The following SMTNL2 variants were observed in gnomAD, a reference collection of about 807,000 sequenced individuals.
The protein encoded by SMTNL2 is smoothelin like 2.
SMTNL2 carries 43 observed loss-of-function variants against 44.1 expected under a neutral mutation model. That is an observed-to-expected ratio of 0.98 (90% CI 0.76 to 1.26). SMTNL2 has a LOEUF of 1.26. Ranked by LOEUF, SMTNL2 falls within the 50% of genes most tolerant of loss-of-function variation. The pLI is 0.00. For missense variants in SMTNL2, 646 were observed against 670.2 expected (o/e 0.96, Z 0.40); for synonymous variants, 317 against 287.6 (o/e 1.10, Z -1.03).
intron 7 of SMTNL2, among the ~76,000 whole-genome samples, chr17:4,597,609 C>G (rs1909872303): frequency 6.6e-6 from 1 of 152,180 alleles, no homozygotes; most frequent in African/African-American, 2.4e-5. Flanking sequence ...TCTGGGAGAC[C>G]AGCCACAGAC....
chr17:4,584,925 G>A lies in SMTNL2; in HGVS notation c.320G>A (p.Gly107Glu), dbSNP rs781092620. 7.7e-6 allele frequency: 10 copies of A among 1,304,530 alleles called. No homozygotes were observed. The African/African-American group carries it at 1.2e-4, about 16-fold the overall frequency. 80.8% of individuals were successfully genotyped at this position (1,304,530 alleles called of 1,614,324 possible). ...ACGCCCAGCCCCCCGCCCGCGCCCG[G>A]GGTTCCCGACCGCGCGCCCCGCCTG... ...PGTPSPPPAP[G>E]VPDRAPRLGS... The change falls in exon 1 of 8, where the codon GGG (glycine) becomes GAG (glutamate). Residue 107 changes from glycine to glutamate, a missense_variant. Physicochemically the swap from Gly to Glu is moderately conservative, Grantham distance 98. Coordinates refer to ENST00000389313, the MANE Select transcript of SMTNL2 (RefSeq NM_001114974.2).
intron 1 of SMTNL2, among the ~76,000 whole-genome samples, chr17:4,590,455 A>G (rs1248838910): frequency 2.0e-5 from 3 of 151,964 alleles, no homozygotes; most frequent in African/African-American, 4.8e-5. Context: ...AGCCCAGTGC[A>G]TGCCCCTGAC....
chr17:4,597,380 T>A (rs1389820349), intron 7 of SMTNL2, 57 bp downstream of exon 7: 1 of 1,590,996 alleles, frequency 6.3e-7, no homozygotes, highest in African/African-American at 1.3e-5. Flanking sequence ...GAGCCCAACT[T>A]CTTCCCCAGG....
chr17:4,585,043 G>A (rs1263562841), intron 1 of SMTNL2, 39 bp downstream of exon 1: 26 of 1,298,788 alleles, frequency 2.0e-5, no homozygotes, highest in Non-Finnish European at 2.4e-5. Flanking sequence ...GCCAGGGAGT[G>A]GGGCTCCGAA....
intron 7 of SMTNL2, among the ~76,000 whole-genome samples, chr17:4,602,074 A>C (rs1597417435): frequency 6.6e-6 from 1 of 152,068 alleles, no homozygotes; most frequent in East Asian, 1.9e-4. Context: ...AGTGTTTTGG[A>C]TTTTAGATTT....
At position 4,584,567 on chromosome 17, in the gene SMTNL2, C is replaced by T. The variant is rs925107331; in HGVS notation, c.-39C>T. The T allele has an allele frequency of 3.3e-6, 4 of 1,218,328 alleles. No homozygotes were observed. In the African/African-American group the frequency reaches 6.3e-5, roughly 19 times the overall value. 75.5% of individuals were successfully genotyped at this position (1,218,328 alleles called of 1,614,324 possible). On this transcript the variant is annotated 5_prime_UTR_variant, in exon 1 of 8. Coordinates refer to ENST00000389313, the MANE Select transcript of SMTNL2 (RefSeq NM_001114974.2). ...AGCTGCGGAGCTCGGATCTTCTCCC[C>T]CGTCTGGCCCGCTCTCGACCCGCGC...
In SMTNL2 at chr17:4,607,362, A is replaced by G; in HGVS notation, c.1261A>G (p.Asn421Asp). ...NFELAFTMAENLANCERLIEV... is the reference protein window; with the variant it reads ...NFELAFTMAEDLANCERLIEV... Reference sequence around the variant, plus strand: ...TCTGACGGGGCTTGTGTGTTTCAGGAATCTGGCCAACTGTGAGCGCCTCAT... The same window carrying G: ...TCTGACGGGGCTTGTGTGTTTCAGGGATCTGGCCAACTGTGAGCGCCTCAT... Residue 421 changes from asparagine to aspartate, a missense_variant and splice_region_variant, in exon 8 of 8, where the codon AAT (asparagine) becomes GAT (aspartate). By Grantham distance (23) the Asn-to-Asp change is conservative. Transcript: ENST00000389313. The surrounding 1 kb of genome is among the most constrained non-coding windows in gnomAD (Gnocchi z 4.7). The G allele has an allele frequency of 6.2e-7, 1 of 1,614,014 alleles. No individual in the cohort carries two copies. Among genetic ancestry groups the G allele is most frequent in the Non-Finnish European group, 8.5e-7 (1 of 1,179,978 alleles).
chr17:4,597,352 A>G, intron 7 of SMTNL2, 29 bp downstream of exon 7: 1 of 1,608,654 alleles, frequency 6.2e-7, no homozygotes, highest in Admixed American at 1.7e-5. Context: ...GCTGGCTACC[A>G]GCCCCAGCCC....
intron 4 of SMTNL2, 65 bp downstream of exon 4, chr17:4,593,962 A>C (rs1418907719): frequency 6.3e-7 from 1 of 1,578,608 alleles, no homozygotes; most frequent in Non-Finnish European, 8.7e-7. Flanking sequence ...CTTTGGACGC[A>C]GGCCGCCCAG....
Position 4,597,294 on chromosome 17 carries a change from GA to G in SMTNL2, c.1232del (p.Asn411ThrfsTer24). The G allele has an allele frequency of 6.2e-7, 1 of 1,614,106 alleles. No individual in the cohort carries two copies. Among genetic ancestry groups the G allele is most frequent in the Non-Finnish European group, 8.5e-7 (1 of 1,179,964 alleles). ...CCCTGAGCCCCACGCAGAGGCAGAA[GA>G]ACTTCGAGCTGGCTTTCACCATGGC... ...NSLSPTQRQK[N>X]FELAFTMAEN... On this transcript the variant is annotated frameshift_variant, in exon 7 of 8. Coordinates refer to ENST00000389313, the MANE Select transcript of SMTNL2 (RefSeq NM_001114974.2). LOFTEE classifies it high-confidence loss of function.
rs1220218643 is a variant in SMTNL2, at chr17:4,607,208, G to A, written c.1260-153G>A. ...TGGAGTCAGTGACTCCAAGGGTTCT[G>A]CCAGGGTTATCTGAATTCCCCGCTG... On this transcript the variant is annotated intron_variant, in intron 7 of 7. Coordinates refer to ENST00000389313, the MANE Select transcript of SMTNL2 (RefSeq NM_001114974.2). The surrounding 1 kb of genome is among the most constrained non-coding windows in gnomAD (Gnocchi z 4.7). 1.3e-5 allele frequency among the ~76,000 whole-genome samples: 2 copies of A among 152,180 alleles called. No homozygotes were observed. The highest frequency in any genetic ancestry group is 2.9e-5 in the Non-Finnish European group (2 of 68,026).
chr17:4,603,946 G>A (rs1381125222), intron 7 of SMTNL2, among the ~76,000 whole-genome samples: 3 of 152,132 alleles, frequency 2.0e-5, no homozygotes, highest in South Asian at 2.1e-4. Flanking sequence ...CCGAGTTCAA[G>A]TGATTCTCCT....
chr17:4,595,320 GC>G lies in SMTNL2; in HGVS notation c.984del (p.Gly329AlafsTer11). 6.2e-7 allele frequency: 1 copy of G among 1,612,208 alleles called. No individual in the cohort carries two copies. The highest frequency in any genetic ancestry group is 8.5e-7 in the Non-Finnish European group (1 of 1,179,244). On this transcript the variant is annotated frameshift_variant, in exon 5 of 8. Transcript: ENST00000389313. LOFTEE classifies it high-confidence loss of function. The surrounding 1 kb of genome is among the most constrained non-coding windows in gnomAD (Gnocchi z 5.1). The part of the protein sequence containing the change: ...LFEKWEQETA[A>X]GKGKGEARAR... ...TGAGAAGTGGGAGCAGGAAACGGCG[GC>G]CGGCAAGTACGGATGCCCACTCACA...
At chr17:4,605,153 GTTTTTTTTTT>G (rs753950451) in intron 7 of SMTNL2, among the ~76,000 whole-genome samples, 5 of 82,252 alleles carry the variant, frequency 6.1e-5, no homozygotes, top group African/African-American at 2.7e-4. Flanking sequence ...TTTTTGTTTG[GTTTTTTTTTT>G]TTTTTTTTTT....
intron 1 of SMTNL2, among the ~76,000 whole-genome samples, chr17:4,589,537 C>T (rs1473423960): frequency 6.6e-6 from 1 of 152,112 alleles, no homozygotes; most frequent in East Asian, 1.9e-4. Flanking sequence ...GTGGGCCTGG[C>T]CTCTCCTCCT....
rs1291906214 is a variant in SMTNL2 at position 4,607,076 on chromosome 17, C to T, written c.1260-285C>T. On this transcript the variant is annotated intron_variant, in intron 7 of 7. Coordinates refer to ENST00000389313, the MANE Select transcript of SMTNL2 (RefSeq NM_001114974.2). This position sits in a 1 kb window ranked among gnomAD's most constrained non-coding sequence, Gnocchi z 4.7. ...CTCATGCCTGGGCAACAGAGCAAGCCCCTGTCTCTAAAAAAAAAACCCAAA... is the reference window on the plus strand; with the variant it reads ...CTCATGCCTGGGCAACAGAGCAAGCTCCTGTCTCTAAAAAAAAAACCCAAA... Among the ~76,000 whole-genome samples, 1 of 151,930 alleles carries T rather than the reference C, an allele frequency of 6.6e-6. No homozygotes were observed. Among genetic ancestry groups the T allele is most frequent in the Admixed American group, 6.6e-5 (1 of 15,248 alleles).
rs1238975404 is a variant in SMTNL2 at position 4,592,219 on chromosome 17, G to A, written c.400-142G>A. 8 of 776,406 alleles carry A rather than the reference G, an allele frequency of 1.0e-5. No individual in the cohort carries two copies. Among genetic ancestry groups the A allele is most frequent in the Admixed American group, 2.2e-5 (1 of 44,696 alleles). 48.1% of individuals were successfully genotyped at this position (776,406 alleles called of 1,614,324 possible). On this transcript the variant is annotated intron_variant, in intron 1 of 7. Coordinates refer to ENST00000389313, the MANE Select transcript of SMTNL2 (RefSeq NM_001114974.2). The surrounding 1 kb of genome is among the most constrained non-coding windows in gnomAD (Gnocchi z 4.5). ...CAGCTTTTGCTGTGTGACTTGGCCC[G>A]TCACTTTCTTCCTGGGGGCTGTTTT...
intron 7 of SMTNL2, among the ~76,000 whole-genome samples, chr17:4,601,144 C>A (rs1215134200): frequency 6.6e-6 from 1 of 152,226 alleles, no homozygotes; most frequent in Admixed American, 6.5e-5. Flanking sequence ...CACAGTGGCT[C>A]ATGCCTGCGA....
At position 4,607,435 on chromosome 17, in the gene SMTNL2, G is replaced by A. The variant is rs780405061; in HGVS notation, c.1334G>A (p.Cys445Tyr). 9.7e-5 allele frequency: 157 copies of A among 1,614,110 alleles called. No homozygotes were observed. The highest frequency in any genetic ancestry group is 1.2e-4 in the Non-Finnish European group (146 of 1,180,052). Reference protein sequence around the residue: ...MVMGRKPDPMCVFTYVQSLYN... With the variant: ...MVMGRKPDPMYVFTYVQSLYN... ...ATGGGCCGCAAGCCGGACCCCATGT[G>A]TGTCTTCACCTACGTCCAGTCGCTG... The change falls in exon 8 of 8, where the codon TGT becomes TAT. Residue 445 changes from cysteine to tyrosine, a missense_variant. Coordinates refer to ENST00000389313, the MANE Select transcript of SMTNL2 (RefSeq NM_001114974.2). The surrounding 1 kb of genome is among the most constrained non-coding windows in gnomAD (Gnocchi z 4.7).
Sources: allele counts gnomAD v4.1 joint callset (sites outside exome capture counted in the v4.1 genomes callset), GRCh38; gene constraint gnomAD v4.1.1; non-coding constraint Gnocchi (gnomAD v3.1); transcripts MANE v1.5; gene names NCBI Gene and HGNC (gene_info 2026-07-23, HGNC 2026-07-21).